Variants in RTCA observed in about 807,000 individuals in gnomAD.
The protein encoded by RTCA is RNA 3'-terminal phosphate cyclase.
Under a neutral mutation model 46.1 loss-of-function variants are expected in RTCA, and 37 were observed. That is an observed-to-expected ratio of 0.80 (90% CI 0.62 to 1.06). The LOEUF (loss-of-function observed/expected upper bound fraction) is 1.06. RTCA is among the 50% of genes least tolerant of loss of function. The pLI, the probability that RTCA is intolerant of heterozygous loss-of-function variation, is 0.00. For synonymous variants in RTCA, 164 were observed against 158.3 expected (o/e 1.04, Z -0.27); for missense variants, 435 against 455.5 (o/e 0.95, Z 0.41).
rs34035586 is a variant in RTCA, at chr1:100,291,929, CTTT to C, written c.*441_*443del. 6 of 133,386 alleles carry C rather than the reference CTTT, an allele frequency of 4.5e-5. No homozygotes were observed. Among genetic ancestry groups the C allele is most frequent in the Admixed American group, 7.6e-5 (1 of 13,238 alleles). 8.3% of individuals were successfully genotyped at this position (133,386 alleles called of 1,614,324 possible). A position where few individuals can be genotyped will look rare whatever the true frequency, so the allele number is the denominator to read the frequency against. ...TTGTTGTGACAACAATAACATTTTC[CTTT>C]TTTTTTTTTTTTTTTGAGACAGTCT... is the stretch of plus-strand genomic sequence containing the variant. On this transcript the variant is annotated 3_prime_UTR_variant, in exon 11 of 11. Coordinates refer to ENST00000370128, the MANE Select transcript of RTCA (RefSeq NM_003729.4).
At position 100,272,894 on chromosome 1, in the gene RTCA, G is replaced by A. The variant is rs574460749; in HGVS notation, c.415-500G>A. ...TCTAATAATGAAAACTTGGAGAACCGTTAAGTCAATTAGGCTAGGATGCCA... is the reference window on the plus strand; with the variant it reads ...TCTAATAATGAAAACTTGGAGAACCATTAAGTCAATTAGGCTAGGATGCCA... On this transcript the variant is annotated intron_variant, in intron 4 of 10. Transcript: ENST00000370128. Among the ~76,000 whole-genome samples, 12 of 152,226 alleles carry A rather than the reference G, an allele frequency of 7.9e-5. No individual in the cohort carries two copies. In the South Asian group the frequency reaches 8.3e-4, roughly 11 times the overall value.
chr1:100,267,709 A>G (rs56037001), intron 2 of RTCA, among the ~76,000 whole-genome samples: 4,362 of 149,432 alleles, frequency 0.029, 207 homozygotes, highest in African/African-American at 0.1. Context: ...ATTTTAACTT[A>G]ATTATCTCTT....
chr1:100,285,427 T>C (rs938650481), intron 9 of RTCA, 105 bp downstream of exon 9: 1 of 723,916 alleles, frequency 1.4e-6, no homozygotes, highest in Non-Finnish European at 2.3e-6. Flanking sequence ...AATTAGCAAG[T>C]CCTACTTCAA....
At chr1:100,286,920 A>T (rs530004620) in intron 9 of RTCA, among the ~76,000 whole-genome samples, 179 bp from the exon 10 acceptor site, 1 of 152,360 alleles carries the variant, frequency 6.6e-6, no homozygotes, top group Non-Finnish European at 1.5e-5. Context: ...TACTACTCAC[A>T]GACTTAGGGT....
intron 3 of RTCA, among the ~76,000 whole-genome samples, chr1:100,270,196 C>T (rs551503114): frequency 3.1e-5 from 2 of 65,226 alleles, no homozygotes; most frequent in Non-Finnish European, 5.2e-5. Flanking sequence ...TTTTGTAAAA[C>T]TTTTGAAGAA....
chr1:100,291,382 A>G (rs1667345395), intron 10 of RTCA, 21 bp from the exon 11 acceptor site: 2 of 1,522,466 alleles, frequency 1.3e-6, no homozygotes. Flanking sequence ...TATTACTTAT[A>G]TACTCCTCTT....
chr1:100,272,159 AT>A (rs758941076), intron 4 of RTCA, among the ~76,000 whole-genome samples: 2 of 152,194 alleles, frequency 1.3e-5, no homozygotes, highest in Non-Finnish European at 2.9e-5. Context: ...GTGATTGTAC[AT>A]TTTCATTTCT....
chr1:100,270,905 A>G (rs558330056), intron 4 of RTCA, among the ~76,000 whole-genome samples: 67 of 151,756 alleles, frequency 4.4e-4, no homozygotes, highest in Non-Finnish European at 3.1e-4. Context: ...AGCTCAAGCA[A>G]TCCTCCTGTC....
rs148773143 is a variant in RTCA at position 100,268,124 on chromosome 1, C to T, written c.147-28C>T. ...GGGATGTAGGCAGTCTGAATGCACA[C>T]GTTTTGATGCAGTATTATGACCTGA... On this transcript the variant is annotated intron_variant, in intron 2 of 10. Transcript: ENST00000370128. 4.2e-5 allele frequency: 68 copies of T among 1,611,340 alleles called. No homozygotes were observed. The African/African-American group carries it at 6.0e-4, about 14-fold the overall frequency.
At chr1:100,282,220 T>C (rs953324604) in intron 8 of RTCA, among the ~76,000 whole-genome samples, 27 of 152,336 alleles carry the variant, frequency 1.8e-4, no homozygotes, top group African/African-American at 6.3e-4. Flanking sequence ...CAGTTAGTAA[T>C]GTAGAACCAT....
chr1:100,273,449 CA>C lies in RTCA; in HGVS notation c.472del (p.Arg158GlyfsTer11). The C allele has an allele frequency of 6.4e-7, 1 of 1,569,164 alleles. No homozygotes were observed. The highest frequency in any genetic ancestry group is 8.7e-7 in the Non-Finnish European group (1 of 1,152,478). ...TTCATATTTAATTGTGACATTAAAA[CA>C]AGGTAAGTTGCTTGTTTCTTAAATG... ...FGFIFNCDIK[T>X]RGYYPKGGGE... On this transcript the variant is annotated frameshift_variant and splice_region_variant, in exon 5 of 11. Transcript: ENST00000370128. LOFTEE classifies it high-confidence loss of function.
chr1:100,269,398 G>A (rs1456257919), intron 3 of RTCA, among the ~76,000 whole-genome samples: 7 of 145,580 alleles, frequency 4.8e-5, no homozygotes, highest in African/African-American at 1.8e-4. Flanking sequence ...CCAGGCTGGA[G>A]TGCAGTGGCA....
At chr1:100,272,198 T>C (rs543423126) in intron 4 of RTCA, among the ~76,000 whole-genome samples, 57 of 152,336 alleles carry the variant, frequency 3.7e-4, no homozygotes, top group African/African-American at 1.3e-3. Flanking sequence ...TGGGTTGTTA[T>C]AATAAGCAAA....
intron 10 of RTCA, among the ~76,000 whole-genome samples, chr1:100,287,902 T>C (rs1261223662): frequency 6.6e-6 from 1 of 151,750 alleles, no homozygotes; most frequent in East Asian, 1.9e-4. Context: ...CAAGTGATTC[T>C]CCTGCCTTAG....
intron 8 of RTCA, among the ~76,000 whole-genome samples, chr1:100,281,735 G>A (rs1375241670): frequency 1.4e-5 from 2 of 147,766 alleles, no homozygotes; most frequent in African/African-American, 2.5e-5. Context: ...TTTTTTTTTC[G>A]AGACGGAATC....
intron 6 of RTCA, among the ~76,000 whole-genome samples, 163 bp downstream of exon 6, chr1:100,275,128 A>G (rs1282882444): frequency 6.6e-6 from 1 of 152,240 alleles, no homozygotes; most frequent in Non-Finnish European, 1.5e-5. Context: ...TATCCTAAGC[A>G]AATTAATGTG....
Position 100,287,204 on chromosome 1 carries a change from G to T in RTCA, c.999+1G>T, listed in dbSNP as rs774404804. ...ACATTTTGCTGAACAAATAGCAAAG[G>T]TGAGTATTCTATCAGAAAGGGAAAT... On this transcript the variant is annotated splice_donor_variant, in intron 10 of 10. Coordinates refer to ENST00000370128, the MANE Select transcript of RTCA (RefSeq NM_003729.4). LOFTEE classifies it high-confidence loss of function. 1 of 1,544,914 alleles carries T rather than the reference G, an allele frequency of 6.5e-7. No homozygotes were observed. Among genetic ancestry groups the T allele is most frequent in the Non-Finnish European group, 8.7e-7 (1 of 1,150,394 alleles).
intron 5 of RTCA, among the ~76,000 whole-genome samples, chr1:100,274,262 G>A (rs1056434668): frequency 9.2e-5 from 14 of 152,126 alleles, no homozygotes; most frequent in South Asian, 6.2e-4. Context: ...GAGGGGAGGA[G>A]TACTGTCTTC....
In RTCA at chr1:100,291,514, C is replaced by A; in HGVS notation, c.*10C>A. The stretch of plus-strand genomic sequence containing the variant: ...AAATCCAAATCTATAGAGTATTTGC[C>A]TCTTAAATGATACCTCATTGATATA... On this transcript the variant is annotated 3_prime_UTR_variant, in exon 11 of 11. Coordinates refer to ENST00000370128, the MANE Select transcript of RTCA (RefSeq NM_003729.4). 1 of 1,464,104 alleles carries A rather than the reference C, an allele frequency of 6.8e-7. No homozygotes were observed. The highest frequency in any genetic ancestry group is 1.8e-5 in the Admixed American group (1 of 56,762). 90.7% of individuals were successfully genotyped at this position (1,464,104 alleles called of 1,614,324 possible). A position where few individuals can be genotyped will look rare whatever the true frequency, so the allele number is the denominator to read the frequency against.
Sources: gnomAD v4.1 joint callset for allele counts (sites outside exome capture counted in the v4.1 genomes callset) on GRCh38, gnomAD v4.1.1 for gene constraint, MANE v1.5 for transcripts, NCBI Gene and HGNC (gene_info 2026-07-23, HGNC 2026-07-21) for gene names.